The following ABCD3 variants were observed in gnomAD, a reference collection of about 807,000 sequenced individuals.
The protein encoded by ABCD3 is ATP-binding cassette sub-family D member 3.
In ABCD3, 41 loss-of-function variants were observed where a neutral mutation model predicts 105.5. That is an observed-to-expected ratio of 0.39 (90% CI 0.30 to 0.50). ABCD3 has a LOEUF of 0.50. Among genes scored for constraint, ABCD3 ranks in the 20% least tolerant of loss-of-function variants. The pLI is 0.84. For missense variants in ABCD3, 622 were observed against 806.3 expected (o/e 0.77, Z 2.77); for synonymous variants, 258 against 269.0 (o/e 0.96, Z 0.40).
At chr1:94,409,455 A>G in the ABCD3 span, among the ~76,000 whole-genome samples, 1 of 152,188 alleles carries the variant, frequency 6.6e-6, no homozygotes. Context: ...TAGATCATTG[A>G]TACATTTTAT....
At position 94,489,844 on chromosome 1, in the gene ABCD3, C is replaced by T. The variant is rs190774292; in HGVS notation, c.1249+28C>T. 2.7e-4 allele frequency: 431 copies of T among 1,611,196 alleles called. No individual in the cohort carries two copies. In the African/African-American group the frequency reaches 5.4e-3, roughly 20 times the overall value. On this transcript the variant is annotated intron_variant, in intron 14 of 22. Coordinates refer to ENST00000370214, the MANE Select transcript of ABCD3 (RefSeq NM_002858.4). ...AAATATGAGTGTCACAGTTTAAGGTCACAATTTTAAGTGTTTGCTGACATA... is the reference window on the plus strand; with the variant it reads ...AAATATGAGTGTCACAGTTTAAGGTTACAATTTTAAGTGTTTGCTGACATA...
At chr1:94,410,499 C>G in the ABCD3 span, among the ~76,000 whole-genome samples, 1 of 152,140 alleles carries the variant, frequency 6.6e-6, no homozygotes, top group African/African-American at 2.4e-5. Flanking sequence ...TTTGCCTTCA[C>G]TGGGGTTGGT....
chr1:94,488,326 CT>C lies in ABCD3; in HGVS notation c.1157+350del, dbSNP rs375611966. Among the ~76,000 whole-genome samples, 235 of 151,992 alleles carry C rather than the reference CT, an allele frequency of 1.5e-3. 1 individual carries two copies. Among genetic ancestry groups the C allele is most frequent in the African/African-American group, 5.5e-3 (229 of 41,486 alleles). ...TAAATTTTCTTGTCCTCTACCATAC[CT>C]TTTTTTCTTGGATCTTAGATACCGG... On this transcript the variant is annotated intron_variant, in intron 13 of 22. Transcript: ENST00000370214.
At chr1:94,393,301 G>T in the ABCD3 span, among the ~76,000 whole-genome samples, 9 of 151,930 alleles carry the variant, frequency 5.9e-5, no homozygotes, top group Non-Finnish European at 1.3e-4. Context: ...GGAGGAGAAA[G>T]GGGGAAGAGA....
chr1:94,449,107 T>C (rs1403529977), intron 1 of ABCD3, among the ~76,000 whole-genome samples: 1 of 152,194 alleles, frequency 6.6e-6, no homozygotes, highest in Non-Finnish European at 1.5e-5. Flanking sequence ...AGGTTATGCT[T>C]GTGTTTCTCC....
chr1:94,471,058 G>C lies in ABCD3; in HGVS notation c.336-2708G>C, dbSNP rs191621457. On this transcript the variant is annotated intron_variant, in intron 4 of 22. Coordinates refer to ENST00000370214, the MANE Select transcript of ABCD3 (RefSeq NM_002858.4). Reference sequence around the variant, plus strand: ...AAGTAAGTGCCTTAAACACTTACTAGAAGCTGGAGTTGAGAGCTTGTTAAC... The same window carrying C: ...AAGTAAGTGCCTTAAACACTTACTACAAGCTGGAGTTGAGAGCTTGTTAAC... Among the ~76,000 whole-genome samples, 307 of 152,292 alleles carry C rather than the reference G, an allele frequency of 2.0e-3. 1 individual carries two copies. Among genetic ancestry groups the C allele is most frequent in the South Asian group, 5.2e-3 (25 of 4,828 alleles).
chr1:94,386,794 G>A, the ABCD3 span, among the ~76,000 whole-genome samples: 10 of 152,204 alleles, frequency 6.6e-5, no homozygotes, highest in African/African-American at 1.4e-4. Context: ...GGCGGAGGTT[G>A]CAGTGAGCTG....
intron 1 of ABCD3, among the ~76,000 whole-genome samples, chr1:94,423,997 T>C (rs1487650521): frequency 6.6e-6 from 1 of 152,324 alleles, no homozygotes; most frequent in East Asian, 1.9e-4. Context: ...CTAGAGCGGC[T>C]TGAGACCCTT....
the ABCD3 span, among the ~76,000 whole-genome samples, chr1:94,410,460 C>T: frequency 6.6e-6 from 1 of 152,118 alleles, no homozygotes; most frequent in Non-Finnish European, 1.5e-5. Flanking sequence ...TTCTCTTTTC[C>T]CATTCAGAGA....
intron 1 of ABCD3, chr1:94,455,835 ATTT>A (rs1283276348): frequency 1.6e-6 from 2 of 1,276,976 alleles, no homozygotes; most frequent in Non-Finnish European, 1.0e-6. Context: ...GTATATATAT[ATTT>A]TTGTGAGCAT....
At chr1:94,418,943 A>G (rs1659141223) in intron 1 of ABCD3, 3 of 337,928 alleles carry the variant, frequency 8.9e-6, no homozygotes, top group South Asian at 3.2e-5. Flanking sequence ...TTCTGTGTCA[A>G]CTTTCTGGGT....
intron 21 of ABCD3, 164 bp from the exon 22 acceptor site, chr1:94,514,982 C>G (rs1570847583): frequency 1.6e-6 from 1 of 613,594 alleles, no homozygotes. Flanking sequence ...CCAGTACTTT[C>G]CATTGCTATA....
In ABCD3 at chr1:94,418,421, AGCC is replaced by A. The variant is rs527684035; in HGVS notation, c.-37_-35del. Reference sequence around the variant, plus strand: ...TCCCCCGCGCTGCGTGCAGTAAGGTAGCCGCCGCCGCCGCCGCCGCCGCGTCCC... The same window carrying A: ...TCCCCCGCGCTGCGTGCAGTAAGGTAGCCGCCGCCGCCGCCGCCGCGTCCC... On this transcript the variant is annotated 5_prime_UTR_variant, in exon 1 of 23. Coordinates refer to ENST00000370214, the MANE Select transcript of ABCD3 (RefSeq NM_002858.4). 6.0e-3 allele frequency: 8,047 copies of A among 1,347,530 alleles called. 6 individuals are homozygous for A. Among genetic ancestry groups the A allele is most frequent in the Middle Eastern group, 8.1e-3 (34 of 4,222 alleles). 83.5% of individuals were successfully genotyped at this position (1,347,530 alleles called of 1,614,324 possible). A position where few individuals can be genotyped will look rare whatever the true frequency, so the allele number is the denominator to read the frequency against.
the ABCD3 span, among the ~76,000 whole-genome samples, chr1:94,412,563 T>C: frequency 1.3e-5 from 2 of 152,228 alleles, no homozygotes; most frequent in Non-Finnish European, 2.9e-5. Context: ...CCCAATTCTT[T>C]GCTCTTACAA....
chr1:94,458,876 C>A (rs1458099484), intron 2 of ABCD3, among the ~76,000 whole-genome samples: 1 of 150,456 alleles, frequency 6.6e-6, no homozygotes, highest in Non-Finnish European at 1.5e-5. Context: ...TAGTTTCCCC[C>A]CCTCTTCTAG....
intron 1 of ABCD3, among the ~76,000 whole-genome samples, chr1:94,429,757 G>A (rs1439520708): frequency 6.6e-6 from 1 of 152,246 alleles, no homozygotes; most frequent in Non-Finnish European, 1.5e-5. Context: ...TTGCTGCAGG[G>A]ATGGGGCCCA....
chr1:94,509,951 C>A (rs1258257599), intron 21 of ABCD3, among the ~76,000 whole-genome samples: 6 of 152,076 alleles, frequency 3.9e-5, no homozygotes, highest in Non-Finnish European at 8.8e-5. Flanking sequence ...CTCCTGGATT[C>A]ATTAATTTTT....
chr1:94,450,132 A>G lies in ABCD3; in HGVS notation c.111-8475A>G, dbSNP rs549945549. Among the ~76,000 whole-genome samples, 64 of 152,364 alleles carry G rather than the reference A, an allele frequency of 4.2e-4. 1 individual carries two copies. The South Asian group carries it at 0.012, about 29-fold the overall frequency. On this transcript the variant is annotated intron_variant, in intron 1 of 22. Coordinates refer to ENST00000370214, the MANE Select transcript of ABCD3 (RefSeq NM_002858.4). The stretch of plus-strand genomic sequence containing the variant: ...GATTAGCAGCTAGTAACCCATTAAA[A>G]TGGATTAAAAACACTTGGACGATCT...
chr1:94,517,362 C>CCTTAT lies in ABCD3; in HGVS notation c.*234_*238dup. ...AATTAATAATATGTACTAAGAATGT[C>CCTTAT]CTTATTCTTGTGGTTAAAAACCTGC... On this transcript the variant is annotated 3_prime_UTR_variant, in exon 23 of 23. Transcript: ENST00000370214. The CCTTAT allele has an allele frequency of 2.3e-6, 1 of 432,014 alleles. No individual in the cohort carries two copies. Among genetic ancestry groups the CCTTAT allele is most frequent in the East Asian group, 4.8e-5 (1 of 20,866 alleles). The allele number at this position is 432,014 out of a possible 1,614,324, so 26.8% of individuals were successfully genotyped here.
Sources: allele counts gnomAD v4.1 joint callset (sites outside exome capture counted in the v4.1 genomes callset), GRCh38; gene constraint gnomAD v4.1.1; transcripts MANE v1.5; gene names NCBI Gene and HGNC (gene_info 2026-07-23, HGNC 2026-07-21).